Variants in SLC38A9 observed in about 807,000 individuals in gnomAD.
SLC38A9 encodes the protein solute carrier family 38 member 9.
In SLC38A9, 48 loss-of-function variants were observed where a neutral mutation model predicts 62.3. That is an observed-to-expected ratio of 0.77 (90% CI 0.61 to 0.98). SLC38A9 has a LOEUF of 0.98. Among genes scored for constraint, SLC38A9 ranks in the 50% least tolerant of loss-of-function variants. SLC38A9 has a pLI of 0.00. For missense variants in SLC38A9, 541 were observed against 679.8 expected, an observed-to-expected ratio of 0.80 and a Z score of 2.27; for synonymous variants, 204 against 227.7, an observed-to-expected ratio of 0.90 and a Z score of 0.94.
chr5:55,662,365 G>C (rs2150283408), intron 8 of SLC38A9, among the ~76,000 whole-genome samples: 1 of 152,274 alleles, frequency 6.6e-6, no homozygotes, highest in South Asian at 2.1e-4. Context: ...AGTTGCAAAA[G>C]CGTTTATGTA....
intron 3 of SLC38A9, chr5:55,692,816 G>T: frequency 1.0e-5 from 10 of 984,662 alleles, no homozygotes; most frequent in Non-Finnish European, 1.2e-5. Context: ...AAAACCCTGA[G>T]CATTCAAGTC....
chr5:55,690,632 T>C (rs753561683), intron 3 of SLC38A9, among the ~76,000 whole-genome samples: 5 of 152,224 alleles, frequency 3.3e-5, no homozygotes, highest in Non-Finnish European at 7.3e-5. Flanking sequence ...GTTGAACATC[T>C]GTATAATCCC....
rs749026473 is a variant in SLC38A9, at chr5:55,626,535, T to C, written c.1645A>G (p.Ile549Val). The change falls in exon 16 of 16, where the codon ATT (isoleucine) becomes GTT (valine). Residue 549 changes from isoleucine (I) to valine (V), a missense_variant. Transcript: ENST00000396865. ...ACAATCAGGTTAGCCACGCCCAAAA[T>C]GATGATGAAAACGTGGAAGATTAAT... is the stretch of plus-strand genomic sequence containing the variant. ...PKLIFHVFII[I>V]LGVANLIVQF... 4 of 1,612,980 alleles carry C rather than the reference T, an allele frequency of 2.5e-6. No homozygotes were observed. Among genetic ancestry groups the C allele is most frequent in the Non-Finnish European group, 3.4e-6 (4 of 1,179,620 alleles).
intron 12 of SLC38A9, among the ~76,000 whole-genome samples, chr5:55,637,379 T>C (rs1217562940): frequency 3.9e-5 from 6 of 152,232 alleles, no homozygotes; most frequent in Non-Finnish European, 7.3e-5. Context: ...TATATACTTA[T>C]CTCAAATTCA....
chr5:55,638,446 T>C (rs924086897), intron 12 of SLC38A9, among the ~76,000 whole-genome samples: 3 of 152,172 alleles, frequency 2.0e-5, no homozygotes, highest in East Asian at 3.8e-4. Context: ...AAGAAGCCTA[T>C]ACATTAATAA....
intron 9 of SLC38A9, among the ~76,000 whole-genome samples, chr5:55,655,847 C>T (rs1160468750): frequency 1.3e-5 from 2 of 152,140 alleles, no homozygotes; most frequent in East Asian, 3.8e-4. Flanking sequence ...AACAGCATAA[C>T]TGTTACCAAA....
intron 12 of SLC38A9, among the ~76,000 whole-genome samples, chr5:55,640,067 C>T (rs1745194610): frequency 7.2e-6 from 1 of 139,142 alleles, no homozygotes; most frequent in Non-Finnish European, 1.5e-5. Context: ...CTCACTGCAA[C>T]CTCTGCCTCC....
chr5:55,663,941 A>C (rs1343813272), intron 8 of SLC38A9, among the ~76,000 whole-genome samples: 2 of 152,162 alleles, frequency 1.3e-5, no homozygotes, highest in African/African-American at 4.8e-5. Flanking sequence ...AAAGCTGCTA[A>C]ACATATATTA....
chr5:55,659,879 C>A (rs1460542076), intron 8 of SLC38A9, among the ~76,000 whole-genome samples: 1 of 151,846 alleles, frequency 6.6e-6, no homozygotes, highest in Non-Finnish European at 1.5e-5. Flanking sequence ...CATTCTCCTG[C>A]GTCAGCCTCC....
intron 2 of SLC38A9, among the ~76,000 whole-genome samples, chr5:55,708,310 A>G (rs1757561311): frequency 6.6e-6 from 1 of 152,182 alleles, no homozygotes; most frequent in African/African-American, 2.4e-5. Context: ...AGCCCAGGTG[A>G]CAGAGTGAGA....
intron 7 of SLC38A9, among the ~76,000 whole-genome samples, chr5:55,665,525 T>A: frequency 7.2e-6 from 1 of 139,110 alleles, no homozygotes. Flanking sequence ...CCAGCCTAGA[T>A]GACAAAGTGA....
intron 14 of SLC38A9, among the ~76,000 whole-genome samples, chr5:55,633,167 C>T (rs376786121): frequency 4.3e-4 from 65 of 152,126 alleles, no homozygotes; most frequent in African/African-American, 1.6e-3. Flanking sequence ...CCACTATGCT[C>T]GGCTGATTTT....
At chr5:55,628,325 A>G (rs1350391285) in intron 14 of SLC38A9, among the ~76,000 whole-genome samples, 4 of 152,362 alleles carry the variant, frequency 2.6e-5, no homozygotes, top group Middle Eastern at 3.4e-3. Flanking sequence ...ATGAAAAAAC[A>G]GAAGAATCCT....
Position 55,635,605 on chromosome 5 carries a change from A to G in SLC38A9, c.1220T>C (p.Ile407Thr). 3 of 1,613,974 alleles carry G rather than the reference A, an allele frequency of 1.9e-6. No homozygotes were observed. Among genetic ancestry groups the G allele is most frequent in the Non-Finnish European group, 1.7e-6 (2 of 1,179,882 alleles). The stretch of plus-strand genomic sequence containing the variant: ...AAATGAAGCAAAAACCAGGACTCCA[A>G]TATAGAGATAAGTTAATGTCACCAG... The part of the protein sequence containing the change: ...YMLVTLTYLY[I>T]GVLVFASFPS... The change falls in exon 13 of 16, where the codon ATT becomes ACT. Residue 407 changes from isoleucine to threonine, a missense_variant. Physicochemically the swap from Ile to Thr is moderately conservative, Grantham distance 89. Transcript: ENST00000396865.
intron 8 of SLC38A9, among the ~76,000 whole-genome samples, chr5:55,661,442 CTCA>C (rs1227931924): frequency 1.7e-5 from 1 of 57,852 alleles, no homozygotes; most frequent in African/African-American, 8.5e-5. Flanking sequence ...AAGACTCCGT[CTCA>C]AAAAAAAAAA....
At chr5:55,652,814 C>T (rs1747767122) in intron 9 of SLC38A9, 91 bp from the exon 10 acceptor site, 2 of 1,037,594 alleles carry the variant, frequency 1.9e-6, no homozygotes, top group Non-Finnish European at 2.7e-6. Context: ...TAGAGACAGA[C>T]ACTTGCTCTA....
chr5:55,652,335 C>T (rs1580174481), intron 10 of SLC38A9, among the ~76,000 whole-genome samples, 194 bp downstream of exon 10: 1 of 87,124 alleles, frequency 1.1e-5, no homozygotes, highest in Non-Finnish European at 2.1e-5. Flanking sequence ...CCACCCTGGG[C>T]AACAACAGTG....
chr5:55,697,570 A>G (rs3843455), intron 3 of SLC38A9, among the ~76,000 whole-genome samples: 90,671 of 151,112 alleles, frequency 0.6, 27,784 homozygotes, highest in South Asian at 0.7. Context: ...TAATCAATAC[A>G]TATTTGTTAA....
chr5:55,627,381 T>A (rs1742619936), intron 15 of SLC38A9, among the ~76,000 whole-genome samples: 1 of 151,132 alleles, frequency 6.6e-6, no homozygotes, highest in Non-Finnish European at 1.5e-5. Context: ...ATTCCTACTC[T>A]ATTCATCCTG....
Sources: allele counts gnomAD v4.1 joint callset (sites outside exome capture counted in the v4.1 genomes callset), GRCh38; gene constraint gnomAD v4.1.1; transcripts MANE v1.5; gene names NCBI Gene and HGNC (gene_info 2026-07-23, HGNC 2026-07-21).